INTS14: variants seen among roughly 807,000 people sequenced by gnomAD.
The protein encoded by INTS14 is integrator complex subunit 14.
A neutral mutation model predicts 56.9 loss-of-function variants in INTS14; 27 were observed. The ratio of observed to expected loss-of-function variants is 0.47; its 90% CI spans 0.35 to 0.65. The LOEUF (loss-of-function observed/expected upper bound fraction) is 0.65. Ranked by LOEUF, INTS14 falls within the 30% of genes least tolerant of loss-of-function variation. INTS14 has a pLI of 0.00. For synonymous variants in INTS14, 207 were observed against 236.2 expected (o/e 0.88, Z 1.13); for missense variants, 517 against 632.2 (o/e 0.82, Z 1.95).
chr15:65,605,964 T>C (rs560575569), intron 2 of INTS14, among the ~76,000 whole-genome samples: 1 of 152,154 alleles, frequency 6.6e-6, no homozygotes, highest in Non-Finnish European at 1.5e-5. Flanking sequence ...ACTTAAAAAA[T>C]CTGAGATAAG....
In INTS14 at chr15:65,595,851, T is replaced by A. The variant is rs182490064; in HGVS notation, c.749-26A>T. 110 of 1,528,410 alleles carry A rather than the reference T, an allele frequency of 7.2e-5. No individual in the cohort carries two copies. The East Asian group carries it at 2.5e-3, about 35-fold the overall frequency. 94.7% of individuals were successfully genotyped at this position (1,528,410 alleles called of 1,614,324 possible). On this transcript the variant is annotated intron_variant, in intron 6 of 11. Transcript: ENST00000313182. ...CTGAAATGAAGGAATCAACACAGAA[T>A]TAATTCATTCTATGGAAAAGTACAT...
chr15:65,610,229 G>A (rs1037764383), intron 1 of INTS14, among the ~76,000 whole-genome samples: 24 of 152,134 alleles, frequency 1.6e-4, no homozygotes, highest in African/African-American at 3.9e-4. Context: ...ATGTGGTGGC[G>A]TGCGCCTGTG....
At chr15:65,609,671 A>C (rs1368091182) in intron 1 of INTS14, among the ~76,000 whole-genome samples, 1 of 152,174 alleles carries the variant, frequency 6.6e-6, no homozygotes, top group East Asian at 1.9e-4. Context: ...TCTTCTCCTC[A>C]TTCAAGCAGA....
intron 6 of INTS14, among the ~76,000 whole-genome samples, chr15:65,597,608 C>G (rs1440305786): frequency 6.6e-6 from 1 of 152,154 alleles, no homozygotes; most frequent in Non-Finnish European, 1.5e-5. Context: ...GAAGAGTACA[C>G]TATATCAGAT....
chr15:65,606,407 CT>C lies in INTS14; in HGVS notation c.222+751del, dbSNP rs889743753. On this transcript the variant is annotated intron_variant, in intron 2 of 11. Coordinates refer to ENST00000313182, the MANE Select transcript of INTS14 (RefSeq NM_001394796.1). ...CAGTTTAATTCCACAAATGCTTCTT[CT>C]TTTTTTTTTTCCTTCTTTTTATTAA... 9.8e-3 allele frequency among the ~76,000 whole-genome samples: 1,435 copies of C among 146,878 alleles called. 23 individuals carry two copies. The highest frequency in any genetic ancestry group is 0.032 in the African/African-American group (1,299 of 40,042).
intron 11 of INTS14, among the ~76,000 whole-genome samples, chr15:65,581,660 G>A (rs2072624906): frequency 6.6e-6 from 1 of 151,362 alleles, no homozygotes. Flanking sequence ...TAGGAGTGAT[G>A]AGGAGAGTTC....
intron 1 of INTS14, among the ~76,000 whole-genome samples, chr15:65,609,905 A>G (rs1475617471): frequency 6.6e-6 from 1 of 152,148 alleles, no homozygotes; most frequent in Non-Finnish European, 1.5e-5. Flanking sequence ...TTCTCTGAAG[A>G]CACCTCTGGA....
intron 10 of INTS14, among the ~76,000 whole-genome samples, chr15:65,584,093 TG>T (rs1290657383): frequency 1.3e-5 from 2 of 152,198 alleles, no homozygotes; most frequent in African/African-American, 2.4e-5. Flanking sequence ...AATGACTTTT[TG>T]CTGATGAAAG....
Position 65,605,223 on chromosome 15 carries a change from T to C in INTS14, c.236A>G (p.Asn79Ser). Residue 79 changes from asparagine (N) to serine (S), a missense_variant, in exon 3 of 12, where the codon AAT (asparagine) becomes AGT (serine). Transcript: ENST00000313182. Reference protein sequence around the residue: ...DYNTLQEALSNMDDYDKTCLE... With the variant: ...DYNTLQEALSSMDDYDKTCLE... ...GCAGGTTTTGTCATAATCATCCATA[T>C]TACTTAGTGCTTCCTTATTGAATAA... The C allele has an allele frequency of 6.2e-7, 1 of 1,613,250 alleles. No individual in the cohort carries two copies. The highest frequency in any genetic ancestry group is 8.5e-7 in the Non-Finnish European group (1 of 1,179,166).
intron 2 of INTS14, among the ~76,000 whole-genome samples, chr15:65,605,867 A>G (rs2073625318): frequency 6.6e-6 from 1 of 152,222 alleles, no homozygotes; most frequent in South Asian, 2.1e-4. Context: ...CAGCATATAT[A>G]CCAAAAGTTT....
In INTS14 at chr15:65,581,951, C is replaced by T. The variant is rs779900348; in HGVS notation, c.1305+3G>A. On this transcript the variant is annotated splice_donor_region_variant and intron_variant, in intron 11 of 11. Coordinates refer to ENST00000313182, the MANE Select transcript of INTS14 (RefSeq NM_001394796.1). Reference sequence around the variant, plus strand: ...TGGGCACATCCTCTTCTGTCTGTCTCACCTTATAGAATGTCTGTGTTTTTT... The same window carrying T: ...TGGGCACATCCTCTTCTGTCTGTCTTACCTTATAGAATGTCTGTGTTTTTT... 10 of 1,612,490 alleles carry T rather than the reference C, an allele frequency of 6.2e-6. No homozygotes were observed. The highest frequency in any genetic ancestry group is 8.5e-7 in the Non-Finnish European group (1 of 1,179,684).
chr15:65,584,890 T>A lies in INTS14; in HGVS notation c.1121-2A>T. On this transcript the variant is annotated splice_acceptor_variant, in intron 9 of 11. Transcript: ENST00000313182. LOFTEE classifies it high-confidence loss of function. ...CGCCATAAGGGTTTTCTTTAGCATC[T>A]TAAAAGAAAAGACATTCTTGAAATG... 1 of 1,604,354 alleles carries A rather than the reference T, an allele frequency of 6.2e-7. No homozygotes were observed. Among genetic ancestry groups the A allele is most frequent in the Non-Finnish European group, 8.5e-7 (1 of 1,175,438 alleles).
At chr15:65,603,852 G>A (rs1326216937) in intron 3 of INTS14, among the ~76,000 whole-genome samples, 1 of 152,194 alleles carries the variant, frequency 6.6e-6, no homozygotes, top group Non-Finnish European at 1.5e-5. Flanking sequence ...GAGCTGAGTA[G>A]TTGCCACAGA....
In INTS14 at chr15:65,611,091, C is replaced by T. The variant is rs956645154; in HGVS notation, c.-63+7G>A. 23 of 1,535,612 alleles carry T rather than the reference C, an allele frequency of 1.5e-5. 1 individual carries two copies. The African/African-American group carries it at 2.2e-4, about 15-fold the overall frequency. On this transcript the variant is annotated splice_region_variant and intron_variant, in intron 1 of 11. Transcript: ENST00000313182. ...GGCAGTCCCGGGCCCTCGGCCTCCC[C>T]ACTCACCCCGTGCCCATCGCCGGAC...
At position 65,595,780 on chromosome 15, in the gene INTS14, G is replaced by C. The variant is rs1176351942; in HGVS notation, c.794C>G (p.Pro265Arg). ...GACCAGATGTCTGGACAGAACTGGG[G>C]GACTTGAAATATCAGCTATATCAAT... ...GFIDIADISS[P>R]PVLSRHLVLP... is the part of the protein sequence containing the mutation. The change falls in exon 7 of 12, where the codon CCC becomes CGC. Residue 265 changes from proline to arginine, a missense_variant. Pro to Arg is a moderately radical substitution (Grantham distance 103). Coordinates refer to ENST00000313182, the MANE Select transcript of INTS14 (RefSeq NM_001394796.1). 20 of 1,609,222 alleles carry C rather than the reference G, an allele frequency of 1.2e-5. No individual in the cohort carries two copies. Among genetic ancestry groups the C allele is most frequent in the African/African-American group, 2.7e-5 (2 of 74,578 alleles).
chr15:65,593,373 A>C lies in INTS14; in HGVS notation c.986+55T>G. On this transcript the variant is annotated intron_variant, in intron 8 of 11. Transcript: ENST00000313182. ...TTCAGAAAAGTCTGCAAAATACTTC[A>C]CTTTGTAAAATGATTTTCCCTTTCA... The C allele has an allele frequency of 3.2e-6, 5 of 1,566,946 alleles. No homozygotes were observed. The South Asian group carries it at 6.0e-5, about 19-fold the overall frequency.
At chr15:65,608,785 T>C (rs2073747745) in intron 1 of INTS14, among the ~76,000 whole-genome samples, 1 of 152,242 alleles carries the variant, frequency 6.6e-6, no homozygotes, top group South Asian at 2.1e-4. Context: ...AGAAATTTAA[T>C]GTTCACAACT....
intron 10 of INTS14, 121 bp from the exon 11 acceptor site, chr15:65,582,140 G>C: frequency 1.2e-6 from 1 of 833,126 alleles, no homozygotes; most frequent in Non-Finnish European, 1.8e-6. Context: ...ACAATGTCAA[G>C]ATGAGGATCC....
chr15:65,588,973 G>A (rs973432199), intron 9 of INTS14, among the ~76,000 whole-genome samples: 9 of 152,164 alleles, frequency 5.9e-5, no homozygotes, highest in African/African-American at 2.2e-4. Flanking sequence ...ACACTGAAAA[G>A]CAGAACAGAT....
Sources: allele counts gnomAD v4.1 joint callset (sites outside exome capture counted in the v4.1 genomes callset), GRCh38; gene constraint gnomAD v4.1.1; transcripts MANE v1.5; gene names NCBI Gene and HGNC (gene_info 2026-07-23, HGNC 2026-07-21).